The following PCNX2 variants were observed in gnomAD, a reference collection of about 807,000 sequenced individuals.
PCNX2 encodes pecanex-like protein 2.
PCNX2 carries 168 observed loss-of-function variants against 223.8 expected under a neutral mutation model. That is an observed-to-expected ratio of 0.75 (90% CI 0.66 to 0.85). PCNX2 has a LOEUF of 0.85. Among genes scored for constraint, PCNX2 ranks in the 40% least tolerant of loss-of-function variants. The pLI is 0.00. For missense variants in PCNX2, 2,507 were observed against 2,675.5 expected (o/e 0.94, Z 1.39); for synonymous variants, 1,006 against 1,052.6 (o/e 0.96, Z 0.86).
chr1:233,026,335 T>C (rs1426117593), intron 25 of PCNX2, among the ~76,000 whole-genome samples: 10 of 152,028 alleles, frequency 6.6e-5, no homozygotes, highest in Non-Finnish European at 1.5e-5. Context: ...AAGTCTATAG[T>C]GGAGGGCACA....
chr1:233,138,582 G>T (rs1037823805), intron 20 of PCNX2, among the ~76,000 whole-genome samples: 2 of 152,170 alleles, frequency 1.3e-5, no homozygotes, highest in African/African-American at 4.8e-5. Flanking sequence ...AGCTCACAAA[G>T]TTCTAAATTC....
chr1:233,121,622 C>G (rs1490647925), intron 21 of PCNX2, among the ~76,000 whole-genome samples: 1 of 152,016 alleles, frequency 6.6e-6, no homozygotes. Flanking sequence ...CAGATACTAA[C>G]GGGTGACTGT....
chr1:233,303,351 A>C, the PCNX2 span, among the ~76,000 whole-genome samples: 3 of 152,012 alleles, frequency 2.0e-5, no homozygotes, highest in Non-Finnish European at 4.4e-5. Flanking sequence ...CTGTCTTTAC[A>C]AAAAAATACA....
intron 25 of PCNX2, among the ~76,000 whole-genome samples, chr1:233,048,403 G>A (rs1671891738): frequency 6.6e-6 from 1 of 152,168 alleles, no homozygotes; most frequent in Non-Finnish European, 1.5e-5. Flanking sequence ...GTTGCAGTGA[G>A]CCAAGATTGT....
At chr1:232,988,034 C>T (rs906854793) in intron 32 of PCNX2, among the ~76,000 whole-genome samples, 7 of 152,204 alleles carry the variant, frequency 4.6e-5, no homozygotes. Flanking sequence ...GCATTCGGGC[C>T]GGCCTGAAAG....
At chr1:233,039,338 C>G (rs1031760324) in intron 25 of PCNX2, among the ~76,000 whole-genome samples, 1 of 152,206 alleles carries the variant, frequency 6.6e-6, no homozygotes, top group Non-Finnish European at 1.5e-5. Flanking sequence ...TCATGCTCCT[C>G]TACCACTGGT....
intron 21 of PCNX2, among the ~76,000 whole-genome samples, chr1:233,096,481 G>C (rs1558226958): frequency 6.6e-6 from 1 of 152,156 alleles, no homozygotes. Context: ...ACTGTGTAGG[G>C]AAGGATAGAG....
At chr1:233,166,607 C>T (rs943438017) in intron 17 of PCNX2, among the ~76,000 whole-genome samples, 15 of 152,260 alleles carry the variant, frequency 9.9e-5, no homozygotes, top group Non-Finnish European at 1.8e-4. Flanking sequence ...ATACAGATGG[C>T]AAATGGTAAT....
chr1:233,134,549 CAG>C (rs981082353), intron 21 of PCNX2, among the ~76,000 whole-genome samples: 1 of 150,168 alleles, frequency 6.7e-6, no homozygotes, highest in Non-Finnish European at 1.5e-5. Flanking sequence ...GAAAAGAAAA[CAG>C]AAGAAAAAAG....
intron 32 of PCNX2, among the ~76,000 whole-genome samples, chr1:232,988,823 T>C (rs1249522500): frequency 6.6e-6 from 1 of 152,238 alleles, no homozygotes; most frequent in African/African-American, 2.4e-5. Context: ...ATATGCTTTT[T>C]ACCCCAGCAA....
At position 233,179,132 on chromosome 1, in the gene PCNX2, A is replaced by G. The variant is rs1679650177; in HGVS notation, c.3110T>C (p.Phe1037Ser). 3.7e-6 allele frequency: 6 copies of G among 1,613,968 alleles called. No individual in the cohort carries two copies. The highest frequency in any genetic ancestry group is 4.2e-6 in the Non-Finnish European group (5 of 1,179,856). Residue 1037 changes from phenylalanine (F) to serine (S), a missense_variant, in exon 16 of 34, where the codon TTC becomes TCC. Phe to Ser is a radical substitution (Grantham distance 155). Transcript: ENST00000258229. ...MQHIPALFSAFCGLLVALSYH... is the reference protein window; with the variant it reads ...MQHIPALFSASCGLLVALSYH... ...AGAAAGGGCGACCAAGAGGCCACAG[A>G]AGGCCGAAAACAGTGCCGGGATGTG...
intron 22 of PCNX2, among the ~76,000 whole-genome samples, chr1:233,095,174 T>G (rs964969411): frequency 3.3e-5 from 5 of 152,204 alleles, no homozygotes; most frequent in Non-Finnish European, 7.4e-5. Context: ...ATCTCAAAAT[T>G]TGTTATGAAG....
At chr1:233,314,347 T>C in the PCNX2 span, among the ~76,000 whole-genome samples, 1 of 152,080 alleles carries the variant, frequency 6.6e-6, no homozygotes. Flanking sequence ...GTAAACAGTG[T>C]GGGGGAGAAT....
chr1:233,218,599 C>A (rs1657171896), intron 10 of PCNX2, among the ~76,000 whole-genome samples: 1 of 152,126 alleles, frequency 6.6e-6, no homozygotes, highest in Non-Finnish European at 1.5e-5. Context: ...AAAAAATGAA[C>A]CATGACAACA....
chr1:233,213,294 C>T lies in PCNX2; in HGVS notation c.2691+4605G>A, dbSNP rs115835856. Among the ~76,000 whole-genome samples, 1,309 of 152,108 alleles carry T rather than the reference C, an allele frequency of 8.6e-3. 12 individuals carry two copies. The highest frequency in any genetic ancestry group is 0.029 in the African/African-American group (1,215 of 41,474). On this transcript the variant is annotated intron_variant, in intron 12 of 33. Coordinates refer to ENST00000258229, the MANE Select transcript of PCNX2 (RefSeq NM_014801.4). The stretch of plus-strand genomic sequence containing the variant: ...GAGAAATGGTCACAGCCAAAAGGAG[C>T]CTACAGAGACAAGACGGCTATTATA...
Position 233,258,920 on chromosome 1 carries a change from T to C in PCNX2, c.942A>G (p.Gln314=), listed in dbSNP as rs374772612. 24 of 1,613,782 alleles carry C rather than the reference T, an allele frequency of 1.5e-5. No individual in the cohort carries two copies. The highest frequency in any genetic ancestry group is 2.7e-5 in the African/African-American group (2 of 74,908). The change falls in exon 5 of 34, where the codon CAA becomes CAG. Residue 314 remains glutamine (Q), a synonymous_variant. Coordinates refer to ENST00000258229, the MANE Select transcript of PCNX2 (RefSeq NM_014801.4). ...PQDSLSSSCP[Q]CDTIVAKPVE... Reference sequence around the variant, plus strand: ...CAGGCTTGGCCACGATGGTGTCACATTGAGGGCAGCTGCTGCTCAGGCTGT... The same window carrying C: ...CAGGCTTGGCCACGATGGTGTCACACTGAGGGCAGCTGCTGCTCAGGCTGT...
intron 14 of PCNX2, 69 bp downstream of exon 14, chr1:233,200,085 C>G: frequency 8.0e-7 from 1 of 1,246,436 alleles, no homozygotes; most frequent in South Asian, 1.5e-5. Flanking sequence ...CATCTCCTGC[C>G]TAAGGCTATT....
chr1:233,092,097 A>G (rs1673901734), intron 22 of PCNX2, among the ~76,000 whole-genome samples: 1 of 152,186 alleles, frequency 6.6e-6, no homozygotes, highest in Non-Finnish European at 1.5e-5. Flanking sequence ...TGCATGCAAG[A>G]TATCATTGAG....
intron 21 of PCNX2, among the ~76,000 whole-genome samples, chr1:233,131,543 C>T (rs915617968): frequency 6.6e-6 from 1 of 152,170 alleles, no homozygotes; most frequent in Admixed American, 6.6e-5. Context: ...CAAACACTCT[C>T]TTTCTTTCAC....
Sources: allele counts gnomAD v4.1 joint callset (sites outside exome capture counted in the v4.1 genomes callset), GRCh38; gene constraint gnomAD v4.1.1; transcripts MANE v1.5; gene names NCBI Gene and HGNC (gene_info 2026-07-23, HGNC 2026-07-21).